The following LRGUK variants were observed in gnomAD, a reference collection of about 807,000 sequenced individuals.
LRGUK encodes leucine rich repeats and guanylate kinase domain containing.
LRGUK carries 65 observed loss-of-function variants against 76.0 expected under a neutral mutation model. The observed-to-expected ratio is 0.85, with a 90% CI of 0.70 to 1.05. LRGUK has a LOEUF of 1.05. LRGUK is among the 50% of genes least tolerant of loss of function. The pLI is 0.00. For missense variants in LRGUK, 758 were observed against 732.8 expected, an observed-to-expected ratio of 1.03 and a Z score of -0.40; for synonymous variants, 268 against 265.6, an observed-to-expected ratio of 1.01 and a Z score of -0.09.
intron 8 of LRGUK, 44 bp downstream of exon 8, chr7:134,174,680 G>T (rs768758876): frequency 9.0e-7 from 1 of 1,112,962 alleles, no homozygotes; most frequent in South Asian, 1.3e-5. Context: ...AGAAGAAAGT[G>T]GGATGGTGGA....
chr7:134,127,468 C>T (rs372829275), exon 1 of LRGUK: 13 of 1,613,922 alleles, frequency 8.1e-6, no homozygotes, highest in Non-Finnish European at 1.0e-5. Flanking sequence ...CAGTTTCGCG[C>T]AGAAAAAGAG....
chr7:134,209,856 G>T, exon 16 of LRGUK: 1 of 399,244 alleles, frequency 2.5e-6, no homozygotes, highest in Non-Finnish European at 4.4e-6. Flanking sequence ...GCAGAACCTC[G>T]CATCCTCAGT....
chr7:134,194,233 A>G (rs1371888109), intron 12 of LRGUK, among the ~76,000 whole-genome samples: 1 of 152,158 alleles, frequency 6.6e-6, no homozygotes, highest in Non-Finnish European at 1.5e-5. Context: ...TTTTATACCT[A>G]TGTACTATGC....
At chr7:134,252,862 A>C (rs1563200973) in intron 18 of LRGUK, among the ~76,000 whole-genome samples, 1 of 152,124 alleles carries the variant, frequency 6.6e-6, no homozygotes, top group Non-Finnish European at 1.5e-5. Flanking sequence ...AGCTAATTGC[A>C]CTATGTTTTT....
chr7:134,141,396 A>C (rs772245196), intron 3 of LRGUK, among the ~76,000 whole-genome samples: 4 of 152,128 alleles, frequency 2.6e-5, no homozygotes, highest in Admixed American at 6.5e-5. Context: ...GATGAGGCTG[A>C]TGCTGCTGGT....
chr7:134,150,283 CA>C (rs55960970), intron 5 of LRGUK, among the ~76,000 whole-genome samples: 19,158 of 147,154 alleles, frequency 0.13, 1,570 homozygotes, highest in East Asian at 0.32. Flanking sequence ...TCTCAAAAAA[CA>C]AAAAAAACAA....
intron 16 of LRGUK, among the ~76,000 whole-genome samples, chr7:134,230,039 T>A (rs1427307766): frequency 1.3e-5 from 2 of 151,986 alleles, no homozygotes; most frequent in Non-Finnish European, 2.9e-5. Context: ...AATATTACAG[T>A]ACATTAAAAC....
At chr7:134,259,645 G>A (rs1266298041) in intron 19 of LRGUK, among the ~76,000 whole-genome samples, 2 of 152,198 alleles carry the variant, frequency 1.3e-5, no homozygotes, top group Non-Finnish European at 2.9e-5. Flanking sequence ...ATTCAGGATA[G>A]CTGGCTGGAA....
At chr7:134,141,227 T>C (rs965777094) in intron 3 of LRGUK, among the ~76,000 whole-genome samples, 10 of 152,332 alleles carry the variant, frequency 6.6e-5, no homozygotes, top group African/African-American at 2.2e-4. Flanking sequence ...CTTTTTGTGA[T>C]GACAGTCTCA....
rs142411088 is a variant in LRGUK at position 134,132,512 on chromosome 7, T to A, written c.298-4511T>A. Among the ~76,000 whole-genome samples the A allele has an allele frequency of 2.6e-3, 398 of 152,014 alleles. 3 individuals carry two copies. Among genetic ancestry groups the A allele is most frequent in the Middle Eastern group, 0.01 (3 of 294 alleles). ...GAGGTGGTGAAGTCAGGAGGCTAAG[T>A]GAAGTTGAAGAGTAGTTGGGAGGCG... On this transcript the variant is annotated intron_variant, in intron 1 of 15. Transcript: ENST00000645682.
At chr7:134,170,663 A>G (rs1585484160) in intron 7 of LRGUK, among the ~76,000 whole-genome samples, 2 of 152,078 alleles carry the variant, frequency 1.3e-5, no homozygotes, top group Admixed American at 6.5e-5. Flanking sequence ...AATATGTACA[A>G]CTCTTCTGTA....
chr7:134,148,268 G>A, exon 5 of LRGUK: 2 of 1,606,516 alleles, frequency 1.2e-6, no homozygotes, highest in Non-Finnish European at 1.7e-6. Context: ...CCAAATTTCT[G>A]AAATTTGTGA....
At chr7:134,271,374 A>G in the LRGUK span, among the ~76,000 whole-genome samples, 1 of 151,410 alleles carries the variant, frequency 6.6e-6, no homozygotes, top group African/African-American at 2.4e-5. Flanking sequence ...TTTCTTTTTT[A>G]TCCTATTGTA....
chr7:134,231,534 C>T (rs1801892517), intron 16 of LRGUK, among the ~76,000 whole-genome samples: 2 of 139,960 alleles, frequency 1.4e-5, no homozygotes, highest in Admixed American at 7.1e-5. Context: ...CTTCCTTCCT[C>T]CCTTCCTCCC....
intron 6 of LRGUK, among the ~76,000 whole-genome samples, chr7:134,159,650 G>A (rs1038877255): frequency 6.6e-6 from 1 of 152,122 alleles, no homozygotes; most frequent in Non-Finnish European, 1.5e-5. Context: ...TTAGCTAGGC[G>A]CGGTGGTGGT....
At chr7:134,226,959 T>C (rs1290348085) in intron 16 of LRGUK, among the ~76,000 whole-genome samples, 1 of 152,036 alleles carries the variant, frequency 6.6e-6, no homozygotes, top group Non-Finnish European at 1.5e-5. Flanking sequence ...ACCTGAAAAG[T>C]GGTTAATTGG....
chr7:134,168,689 G>A (rs2116956084), intron 7 of LRGUK, among the ~76,000 whole-genome samples: 1 of 152,262 alleles, frequency 6.6e-6, no homozygotes, highest in African/African-American at 2.4e-5. Context: ...ATTGGAGGTG[G>A]TGGATGAGGA....
At chr7:134,247,115 C>T (rs913324169) in intron 16 of LRGUK, among the ~76,000 whole-genome samples, 5 of 151,966 alleles carry the variant, frequency 3.3e-5, no homozygotes, top group African/African-American at 4.8e-5. Flanking sequence ...AGAGAAAGAC[C>T]GCCCCCATAA....
At chr7:134,220,102 A>G (rs1801546664) in intron 15 of LRGUK, among the ~76,000 whole-genome samples, 1 of 152,248 alleles carries the variant, frequency 6.6e-6, no homozygotes, top group South Asian at 2.1e-4. Flanking sequence ...CAGGTGCTCA[A>G]TAAATATGGG....
Sources: allele counts gnomAD v4.1 joint callset (sites outside exome capture counted in the v4.1 genomes callset), GRCh38; gene constraint gnomAD v4.1.1; transcripts MANE v1.5; gene names NCBI Gene and HGNC (gene_info 2026-07-23, HGNC 2026-07-21).